ZNF81: variants seen among roughly 807,000 people sequenced by gnomAD.
The protein encoded by ZNF81 is zinc finger protein 81 (HFZ20).
In ZNF81, 5 loss-of-function variants were observed where a neutral mutation model predicts 32.3. The ratio of observed to expected loss-of-function variants is 0.15; its 90% CI spans 0.08 to 0.33. ZNF81 has a LOEUF of 0.33. Among genes scored for constraint, ZNF81 ranks in the 10% least tolerant of loss-of-function variants. The probability of loss-of-function intolerance (pLI) is 1.00; values close to 1 mark genes in which losing one functional copy is unlikely to be tolerated. For missense variants in ZNF81, 379 were observed against 479.8 expected (o/e 0.79, Z 1.96); for synonymous variants, 163 against 166.8 (o/e 0.98, Z 0.17).
At chrX:47,908,026 T>C (rs1353671706) in intron 4 of ZNF81, among the ~76,000 whole-genome samples, 1 of 111,480 alleles carries the variant, frequency 9.0e-6, no homozygotes, top group African/African-American at 3.3e-5. Context: ...AGAGAATACT[T>C]CATATCTCAT....
At chrX:47,843,449 A>G (rs782272060) in intron 1 of ZNF81, among the ~76,000 whole-genome samples, 48 of 110,256 alleles carry the variant, frequency 4.4e-4, no homozygotes, top group African/African-American at 1.5e-3. Context: ...ACACACACAC[A>G]CACACACACA....
intron 1 of ZNF81, among the ~76,000 whole-genome samples, chrX:47,839,015 G>A (rs1276808033): frequency 2.7e-5 from 3 of 111,277 alleles, no homozygotes; most frequent in African/African-American, 9.8e-5. Context: ...AATCTCCTGG[G>A]CTCAAATAGT....
chrX:47,915,884 A>G lies in ZNF81; in HGVS notation c.1238A>G (p.His413Arg). 1 of 1,209,795 alleles carries G rather than the reference A, an allele frequency of 8.3e-7. No individual in the cohort carries two copies. Among genetic ancestry groups the G allele is most frequent in the Non-Finnish European group, 1.1e-6 (1 of 894,557 alleles). Reference sequence around the variant, plus strand: ...CAGAAAATTCACACTGGAGAGAGACATCACAAATGCAGTGAGTGTGGGAAA... The same window carrying G: ...CAGAAAATTCACACTGGAGAGAGACGTCACAAATGCAGTGAGTGTGGGAAA... The part of the protein sequence containing the change: ...IHQKIHTGER[H>R]HKCSECGKAF... Residue 413 changes from histidine (H) to arginine (R), a missense_variant, in exon 5 of 5, where the codon CAT becomes CGT. Around this residue, in one of 2 missense-constraint regions of ZNF81, gnomAD observed 277 missense variants for 306.6 expected, o/e 0.90. Coordinates refer to ENST00000338637, the MANE Select transcript of ZNF81 (RefSeq NM_007137.5).
intron 2 of ZNF81, among the ~76,000 whole-genome samples, chrX:47,883,346 G>A (rs2058628378): frequency 8.9e-6 from 1 of 111,895 alleles, no homozygotes; most frequent in Admixed American, 9.4e-5. Context: ...CCAGTCTGTG[G>A]CTTCACTTTT....
At chrX:47,888,865 A>G (rs781940341) in intron 3 of ZNF81, among the ~76,000 whole-genome samples, 1 of 111,589 alleles carries the variant, frequency 9.0e-6, no homozygotes, top group African/African-American at 3.3e-5. Context: ...AGAAATAAGG[A>G]ACATATTATT....
chrX:47,864,171 T>C (rs781836119), intron 2 of ZNF81, among the ~76,000 whole-genome samples: 2 of 111,065 alleles, frequency 1.8e-5, no homozygotes, highest in South Asian at 7.7e-4. Context: ...GCAAGGGAGG[T>C]AGACTCTGAA....
intron 4 of ZNF81, among the ~76,000 whole-genome samples, chrX:47,902,474 T>C (rs1256522129): frequency 9.0e-6 from 1 of 111,703 alleles, no homozygotes; most frequent in East Asian, 2.8e-4. Flanking sequence ...ATACATAGGT[T>C]ACTACATCCA....
At chrX:47,880,417 T>C (rs1193755889) in intron 2 of ZNF81, among the ~76,000 whole-genome samples, 1 of 112,147 alleles carries the variant, frequency 8.9e-6, no homozygotes, top group Non-Finnish European at 1.9e-5. Flanking sequence ...TTTTGCCATG[T>C]TGCCCAGGCT....
chrX:47,890,493 C>A (rs1280560089), intron 3 of ZNF81, among the ~76,000 whole-genome samples: 6 of 111,866 alleles, frequency 5.4e-5, no homozygotes, highest in African/African-American at 1.9e-4. Flanking sequence ...ACTTTGCTCC[C>A]AAATCCTAAA....
intron 1 of ZNF81, among the ~76,000 whole-genome samples, chrX:47,845,578 G>A (rs1260590846): frequency 3.6e-5 from 4 of 111,524 alleles, no homozygotes; most frequent in Non-Finnish European, 7.5e-5. Context: ...CTTTGAGGGC[G>A]TGAACTTTGG....
At chrX:47,904,264 A>G (rs2058711238) in intron 4 of ZNF81, among the ~76,000 whole-genome samples, 1 of 110,236 alleles carries the variant, frequency 9.1e-6, no homozygotes, top group Non-Finnish European at 1.9e-5. Context: ...AACTACCATG[A>G]GTGAACAGGC....
intron 2 of ZNF81, among the ~76,000 whole-genome samples, chrX:47,884,767 T>C (rs1175021301): frequency 9.0e-6 from 1 of 111,620 alleles, no homozygotes; most frequent in Non-Finnish European, 1.9e-5. Context: ...TTTTGTCTAA[T>C]GGTGTGAACC....
intron 4 of ZNF81, among the ~76,000 whole-genome samples, chrX:47,901,260 T>A (rs1371368505): frequency 1.8e-5 from 2 of 112,323 alleles, no homozygotes; most frequent in Admixed American, 9.4e-5. Flanking sequence ...GAGACTTTGC[T>A]ACATTTTGCT....
In ZNF81 at chrX:47,919,361, T is replaced by C; in HGVS notation, c.*2729T>C. On this transcript the variant is annotated 3_prime_UTR_variant, in exon 5 of 5. Transcript: ENST00000338637. ...TTGTCAAGTCTACTGCTGAACCCAT[T>C]GAAGGCATTCTTCAACTCAGTTATG... 5.0e-6 allele frequency: 1 copy of C among 201,103 alleles called. No individual in the cohort carries two copies. The highest frequency in any genetic ancestry group is 5.8e-5 in the Admixed American group (1 of 17,214). The allele number at this position is 201,103 out of a possible 1,213,427, so 16.6% of individuals were successfully genotyped here.
Position 47,915,588 on chromosome X carries a change from G to A in ZNF81, c.942G>A (p.Lys314=), listed in dbSNP as rs1313958455. 8.3e-7 allele frequency: 1 copy of A among 1,209,786 alleles called. No individual in the cohort carries two copies. Among genetic ancestry groups the A allele is most frequent in the Non-Finnish European group, 1.1e-6 (1 of 895,066 alleles). The change falls in exon 5 of 5, where the codon AAG becomes AAA. Residue 314 remains lysine, a synonymous_variant. Transcript: ENST00000338637. ...LSKCVNVFTQ[K]PLLSIYLRVH... is the part of the protein sequence containing the mutation. Reference sequence around the variant, plus strand: ...AATGTGTAAATGTTTTTACACAGAAGCCACTACTCAGTATATATCTGAGAG... The same window carrying A: ...AATGTGTAAATGTTTTTACACAGAAACCACTACTCAGTATATATCTGAGAG...
intron 2 of ZNF81, among the ~76,000 whole-genome samples, chrX:47,886,101 T>G (rs2148027940): frequency 8.9e-6 from 1 of 112,454 alleles, no homozygotes; most frequent in Non-Finnish European, 1.9e-5. Flanking sequence ...ATTTGTATGT[T>G]TTTGAGCATA....
chrX:47,872,672 G>A (rs1215191092), intron 2 of ZNF81, among the ~76,000 whole-genome samples: 2 of 111,577 alleles, frequency 1.8e-5, no homozygotes, highest in Non-Finnish European at 3.8e-5. Context: ...ACTTCCCTAA[G>A]GTCTTGTATA....
At chrX:47,840,934 A>G in intron 1 of ZNF81, 1 of 491,408 alleles carries the variant, frequency 2.0e-6, no homozygotes, top group East Asian at 3.7e-5. Context: ...CTTCATTGAT[A>G]CAAATTTACT....
intron 2 of ZNF81, among the ~76,000 whole-genome samples, chrX:47,881,818 C>T (rs999894598): frequency 2.7e-5 from 3 of 109,629 alleles, no homozygotes; most frequent in Non-Finnish European, 3.8e-5. Flanking sequence ...CTCTGTCACT[C>T]AGGCTTGGAA....
Sources: allele counts gnomAD v4.1 joint callset (sites outside exome capture counted in the v4.1 genomes callset), GRCh38; gene constraint gnomAD v4.1.1; regional missense constraint gnomAD v4.1.1; transcripts MANE v1.5; gene names NCBI Gene and HGNC (gene_info 2026-07-23, HGNC 2026-07-21).